The following SRP68 variants were observed in gnomAD, a reference collection of about 807,000 sequenced individuals.
The protein encoded by SRP68 is signal recognition particle subunit SRP68.
Under a neutral mutation model 82.2 loss-of-function variants are expected in SRP68, and 15 were observed. The ratio of observed to expected loss-of-function variants is 0.18; its 90% CI spans 0.12 to 0.28. The LOEUF is 0.28. Ranked by LOEUF, SRP68 falls within the 10% of genes least tolerant of loss-of-function variation. The probability of loss-of-function intolerance (pLI) is 1.00; values close to 1 mark genes in which losing one functional copy is unlikely to be tolerated. For missense variants in SRP68, 595 were observed against 780.5 expected, an observed-to-expected ratio of 0.76 and a Z score of 2.83; for synonymous variants, 261 against 292.6, an observed-to-expected ratio of 0.89 and a Z score of 1.10.
chr17:76,039,491 C>T lies in SRP68; in HGVS notation c.*215G>A. The T allele has an allele frequency of 3.1e-6, 2 of 652,546 alleles. No homozygotes were observed. Among genetic ancestry groups the T allele is most frequent in the Non-Finnish European group, 5.5e-6 (2 of 360,432 alleles). 40.4% of individuals were successfully genotyped at this position (652,546 alleles called of 1,614,324 possible). ...CCAGGAGGTACAGGAGACAGGATGACCCTGCACACATTTACCAGAAGACAA... is the reference window on the plus strand; with the variant it reads ...CCAGGAGGTACAGGAGACAGGATGATCCTGCACACATTTACCAGAAGACAA... On this transcript the variant is annotated 3_prime_UTR_variant, in exon 16 of 16. Transcript: ENST00000307877.
intron 13 of SRP68, 68 bp from the exon 14 acceptor site, chr17:76,041,046 G>T: frequency 7.9e-7 from 1 of 1,266,348 alleles, no homozygotes; most frequent in Non-Finnish European, 1.1e-6. Context: ...AAGCTAACCC[G>T]AGTTAACCGA....
At chr17:76,060,143 A>G (rs947505814) in intron 7 of SRP68, among the ~76,000 whole-genome samples, 165 bp downstream of exon 7, 1 of 150,176 alleles carries the variant, frequency 6.7e-6, no homozygotes, top group Non-Finnish European at 1.5e-5. Context: ...AAAAAAAAAA[A>G]AAAAAAAGAA....
intron 14 of SRP68, 179 bp downstream of exon 14, chr17:76,040,724 T>C: frequency 1.5e-6 from 1 of 672,762 alleles, no homozygotes; most frequent in Admixed American, 2.6e-5. Context: ...AGTGTAACAG[T>C]GCACTCGAAA....
At chr17:76,069,495 A>T (rs2066832496) in intron 2 of SRP68, among the ~76,000 whole-genome samples, 1 of 152,098 alleles carries the variant, frequency 6.6e-6, no homozygotes, top group Non-Finnish European at 1.5e-5. Flanking sequence ...CAGGTGGATC[A>T]CCTGAGGTCA....
intron 2 of SRP68, 102 bp downstream of exon 2, chr17:76,070,276 G>C: frequency 1.3e-6 from 1 of 774,450 alleles, no homozygotes; most frequent in Non-Finnish European, 2.1e-6. Flanking sequence ...CAATGCTCTA[G>C]ACTTTCTAGC....
chr17:76,064,258 T>C, intron 3 of SRP68, 87 bp from the exon 4 acceptor site: 1 of 1,229,196 alleles, frequency 8.1e-7, no homozygotes, highest in East Asian at 2.3e-5. Context: ...CTTCTCGGCT[T>C]TTCTTTATAC....
rs2066663793 is a variant in SRP68 at position 76,050,471 on chromosome 17, C to T, written c.1034G>A (p.Arg345Gln). The part of the protein sequence containing the change: ...RLFESMLSEC[R>Q]DAIQVVREEL... ...CTCCCGAACCACCTGGATGGCGTCC[C>T]GACACTCGCTGAGCATTGATTCAAA... The change falls in exon 9 of 16, where the codon CGG becomes CAG. Residue 345 changes from arginine (R) to glutamine (Q), a missense_variant. By Grantham distance (43) the Arg-to-Gln change is conservative. Around this residue, in one of 2 missense-constraint regions of SRP68, gnomAD observed 495 missense variants for 688.6 expected, o/e 0.72. Coordinates refer to ENST00000307877, the MANE Select transcript of SRP68 (RefSeq NM_014230.4). The T allele has an allele frequency of 6.2e-7, 1 of 1,613,634 alleles. No individual in the cohort carries two copies. Among genetic ancestry groups the T allele is most frequent in the African/African-American group, 1.3e-5 (1 of 74,812 alleles).
chr17:76,062,153 G>A lies in SRP68; in HGVS notation c.562-579C>T, dbSNP rs530050532. Among the ~76,000 whole-genome samples the A allele has an allele frequency of 5.3e-5, 8 of 151,994 alleles. No homozygotes were observed. In the South Asian group the frequency reaches 1.7e-3, roughly 32 times the overall value. Reference sequence around the variant, plus strand: ...TACAAAAAAATTAGCTGGACATGGCGGCAGGCGCCTGTAATCCCAGCTACT... The same window carrying A: ...TACAAAAAAATTAGCTGGACATGGCAGCAGGCGCCTGTAATCCCAGCTACT... On this transcript the variant is annotated intron_variant, in intron 4 of 15. Transcript: ENST00000307877.
intron 9 of SRP68, 66 bp from the exon 10 acceptor site, chr17:76,048,036 G>A (rs1469405395): frequency 1.3e-5 from 14 of 1,083,482 alleles, no homozygotes; most frequent in Non-Finnish European, 1.9e-5. Flanking sequence ...ACCACCTCAT[G>A]GAATGGTGGG....
chr17:76,046,597 T>C (rs971323526), intron 10 of SRP68, among the ~76,000 whole-genome samples: 8 of 148,108 alleles, frequency 5.4e-5, no homozygotes, highest in Non-Finnish European at 8.9e-5. Flanking sequence ...GCCCGAGTAA[T>C]AGAGCAAAAC....
intron 7 of SRP68, among the ~76,000 whole-genome samples, chr17:76,058,115 G>T (rs559201988): frequency 6.6e-6 from 1 of 151,076 alleles, no homozygotes; most frequent in Non-Finnish European, 1.5e-5. Context: ...TAGGACTACA[G>T]GTATGTGTCA....
At chr17:76,058,691 A>G (rs968235581) in intron 7 of SRP68, among the ~76,000 whole-genome samples, 1 of 152,258 alleles carries the variant, frequency 6.6e-6, no homozygotes, top group Admixed American at 6.5e-5. Context: ...GGAGAAAAGC[A>G]TATCTGTATA....
intron 3 of SRP68, among the ~76,000 whole-genome samples, chr17:76,066,391 A>G (rs1421838702): frequency 1.3e-5 from 2 of 150,872 alleles, no homozygotes; most frequent in East Asian, 4.0e-4. Flanking sequence ...TGGAAGTTGC[A>G]GTGAGGTGAG....
rs181007767 is a variant in SRP68 at position 76,062,706 on chromosome 17, T to A, written c.562-1132A>T. On this transcript the variant is annotated intron_variant, in intron 4 of 15. Coordinates refer to ENST00000307877, the MANE Select transcript of SRP68 (RefSeq NM_014230.4). ...TATAATATACATTATATATTGTATA[T>A]TATACAATATATTATATTTATTTTA... is the stretch of plus-strand genomic sequence containing the variant. Among the ~76,000 whole-genome samples the A allele has an allele frequency of 6.0e-4, 44 of 73,896 alleles. 9 individuals are homozygous for A. Among genetic ancestry groups the A allele is most frequent in the Admixed American group, 1.6e-3 (7 of 4,330 alleles). The allele number at this position is 73,896 out of a possible 152,430, so 48.5% of individuals were successfully genotyped here.
At chr17:76,044,979 T>C (rs1211427675) in intron 12 of SRP68, 4 of 210,398 alleles carry the variant, frequency 1.9e-5, no homozygotes, top group Non-Finnish European at 2.8e-5. Flanking sequence ...CGACCTCAGG[T>C]GATCCACCTG....
intron 7 of SRP68, among the ~76,000 whole-genome samples, chr17:76,059,739 CT>C (rs2066737279): frequency 7.0e-6 from 1 of 142,182 alleles, no homozygotes; most frequent in African/African-American, 2.7e-5. Context: ...TTGCAGTGAG[CT>C]GAGATCACGC....
At chr17:76,040,129 AAG>A (rs1289474040) in intron 15 of SRP68, among the ~76,000 whole-genome samples, 196 bp from the exon 16 acceptor site, 19 of 152,192 alleles carry the variant, frequency 1.2e-4, no homozygotes, top group Admixed American at 7.2e-4. Flanking sequence ...CAGAGAGGCT[AAG>A]AGAGTGGCAG....
rs150844153 is a variant in SRP68, at chr17:76,043,849, C to T, written c.1504G>A (p.Ala502Thr). 2.8e-4 allele frequency: 453 copies of T among 1,603,226 alleles called. No homozygotes were observed. Among genetic ancestry groups the T allele is most frequent in the Non-Finnish European group, 3.6e-4 (421 of 1,177,114 alleles). ...YANEVNSDAG[A>T]FKNSLKDLPD... The stretch of plus-strand genomic sequence containing the variant: ...CTCACCTTTAGGCTGTTCTTGAAGG[C>T]GCCAGCATCAGAATTTACTTCATTT... Residue 502 changes from alanine to threonine, a missense_variant, in exon 13 of 16, where the codon GCC (alanine) becomes ACC (threonine). Transcript: ENST00000307877.
intron 12 of SRP68, among the ~76,000 whole-genome samples, chr17:76,044,472 G>A (rs1016889978): frequency 6.6e-6 from 1 of 152,218 alleles, no homozygotes; most frequent in East Asian, 1.9e-4. Flanking sequence ...GCATGCTGGA[G>A]CACCAGAGCA....
Sources: allele counts gnomAD v4.1 joint callset (sites outside exome capture counted in the v4.1 genomes callset), GRCh38; gene constraint gnomAD v4.1.1; regional missense constraint gnomAD v4.1.1; transcripts MANE v1.5; gene names NCBI Gene and HGNC (gene_info 2026-07-23, HGNC 2026-07-21).